The following MTUS2 variants were observed in gnomAD, a reference collection of about 807,000 sequenced individuals.
MTUS2 encodes the protein microtubule-associated tumor suppressor candidate 2.
In MTUS2, 40 loss-of-function variants were observed where a neutral mutation model predicts 114.1. The observed-to-expected ratio is 0.35, with a 90% CI of 0.27 to 0.46. MTUS2 has a LOEUF of 0.46. MTUS2 is among the 20% of genes least tolerant of loss of function. MTUS2 has a pLI of 1.00. For synonymous variants in MTUS2, 688 were observed against 672.0 expected, an observed-to-expected ratio of 1.02 and a Z score of -0.37; for missense variants, 1,679 against 1,705.4, an observed-to-expected ratio of 0.98 and a Z score of 0.27.
At chr13:28,977,053 C>T (rs892038424) in intron 2 of MTUS2, among the ~76,000 whole-genome samples, 1 of 152,038 alleles carries the variant, frequency 6.6e-6, no homozygotes, top group Non-Finnish European at 1.5e-5. Context: ...TATCAAATCT[C>T]TGCTTGTGAA....
At chr13:29,074,239 T>A (rs970659700) in intron 4 of MTUS2, among the ~76,000 whole-genome samples, 1 of 152,178 alleles carries the variant, frequency 6.6e-6, no homozygotes, top group Non-Finnish European at 1.5e-5. Flanking sequence ...ATGCCCTATT[T>A]CTTCTATAGT....
In MTUS2 at chr13:29,497,529, G is replaced by A. The variant is rs532047373; in HGVS notation, c.3678+193G>A. ...CTCTCCCCTGAGACAGACAGCAGCT[G>A]TGGGTTTCTCCAGCTACGTGTTATT... is the stretch of plus-strand genomic sequence containing the variant. On this transcript the variant is annotated intron_variant, in intron 13 of 15. Transcript: ENST00000612955. 1.1e-4 allele frequency: 68 copies of A among 597,360 alleles called. 1 individual carries two copies. The South Asian group carries it at 1.3e-3, about 11-fold the overall frequency. The allele number at this position is 597,360 out of a possible 1,614,324, so 37.0% of individuals were successfully genotyped here.
chr13:29,343,244 T>C (rs993804882), intron 7 of MTUS2, among the ~76,000 whole-genome samples: 4 of 152,086 alleles, frequency 2.6e-5, no homozygotes, highest in African/African-American at 9.7e-5. Flanking sequence ...CAGTTCTTCT[T>C]TGAACGTCTC....
intron 5 of MTUS2, among the ~76,000 whole-genome samples, chr13:29,176,373 TTA>T (rs1266633040): frequency 6.6e-6 from 1 of 152,098 alleles, no homozygotes; most frequent in Non-Finnish European, 1.5e-5. Flanking sequence ...TAGTGTTTGG[TTA>T]TCAGTCTTTA....
intron 2 of MTUS2, among the ~76,000 whole-genome samples, chr13:29,012,764 C>T (rs988659580): frequency 6.6e-6 from 1 of 152,178 alleles, no homozygotes; most frequent in South Asian, 2.1e-4. Context: ...GTCCCAGCTA[C>T]TCGGGAGGCT....
intron 4 of MTUS2, among the ~76,000 whole-genome samples, chr13:29,082,612 G>A (rs905067476): frequency 7.2e-5 from 11 of 152,100 alleles, no homozygotes; most frequent in Admixed American, 1.3e-4. Flanking sequence ...GAGGGCCCAC[G>A]TTTGGCCCTG....
intron 4 of MTUS2, among the ~76,000 whole-genome samples, chr13:29,057,450 A>G (rs1443034988): frequency 6.6e-6 from 1 of 152,130 alleles, no homozygotes; most frequent in African/African-American, 2.4e-5. Context: ...ATAGGTCTCT[A>G]AAAACTTGCT....
chr13:28,824,618 C>T (rs1033213852), intron 1 of MTUS2, among the ~76,000 whole-genome samples: 1 of 151,948 alleles, frequency 6.6e-6, no homozygotes, highest in Admixed American at 6.6e-5. Context: ...TCTCTCACTG[C>T]AGTTGTACTG....
At chr13:29,243,070 T>C (rs1005620526) in intron 5 of MTUS2, among the ~76,000 whole-genome samples, 3 of 152,184 alleles carry the variant, frequency 2.0e-5, no homozygotes, top group African/African-American at 7.2e-5. Context: ...TCTGAGATAC[T>C]ATGGGACGCT....
intron 7 of MTUS2, among the ~76,000 whole-genome samples, chr13:29,325,531 A>G (rs1900464673): frequency 7.8e-6 from 1 of 127,950 alleles, no homozygotes; most frequent in African/African-American, 3.0e-5. Flanking sequence ...GGAGGGAGGA[A>G]GGAGAAGAAA....
intron 2 of MTUS2, among the ~76,000 whole-genome samples, chr13:28,904,133 G>A (rs927680555): frequency 6.6e-6 from 1 of 151,790 alleles, no homozygotes; most frequent in Non-Finnish European, 1.5e-5. Context: ...TAAATTTATT[G>A]GAGTTCATTG....
At chr13:28,986,837 A>G (rs1451237452) in intron 2 of MTUS2, among the ~76,000 whole-genome samples, 1 of 152,186 alleles carries the variant, frequency 6.6e-6, no homozygotes, top group African/African-American at 2.4e-5. Context: ...TTAAATTAAG[A>G]ATTTAATTAT....
At chr13:28,868,599 C>A (rs9551552) in intron 2 of MTUS2, among the ~76,000 whole-genome samples, 36,578 of 152,088 alleles carry the variant, frequency 0.24, 6,848 homozygotes, top group African/African-American at 0.52. Context: ...GGAACCAGAT[C>A]TTCCTGGGAA....
At chr13:28,973,900 A>G (rs1190967229) in intron 2 of MTUS2, among the ~76,000 whole-genome samples, 2 of 152,212 alleles carry the variant, frequency 1.3e-5, no homozygotes, top group African/African-American at 2.4e-5. Context: ...GCTGTCGGGT[A>G]TGTGATGTGT....
chr13:29,162,994 C>G (rs1240746546), intron 5 of MTUS2, among the ~76,000 whole-genome samples: 1 of 37,604 alleles, frequency 2.7e-5, no homozygotes, highest in African/African-American at 9.4e-5. Context: ...AGATCTTGTT[C>G]AGTTCTAACA....
intron 5 of MTUS2, among the ~76,000 whole-genome samples, chr13:29,199,525 T>C (rs952591383): frequency 1.1e-4 from 16 of 152,234 alleles, no homozygotes; most frequent in Admixed American, 9.8e-4. Flanking sequence ...CAGCCTTGCA[T>C]CCCAGGGATA....
intron 7 of MTUS2, among the ~76,000 whole-genome samples, chr13:29,346,117 C>A (rs928622093): frequency 2.6e-5 from 4 of 152,130 alleles, no homozygotes; most frequent in African/African-American, 7.2e-5. Flanking sequence ...AGTGCACTGG[C>A]TTAGTGTTGG....
intron 2 of MTUS2, among the ~76,000 whole-genome samples, chr13:28,921,388 T>C (rs1476317920): frequency 2.6e-5 from 4 of 152,220 alleles, no homozygotes; most frequent in Non-Finnish European, 4.4e-5. Context: ...GTGGCTGAGC[T>C]GGTATCCAAG....
chr13:28,821,105 C>T (rs377735901), intron 1 of MTUS2, among the ~76,000 whole-genome samples: 1 of 151,864 alleles, frequency 6.6e-6, no homozygotes, highest in South Asian at 2.1e-4. Flanking sequence ...GAAAGAAGTA[C>T]TCTTGGCAGG....
Sources: allele counts gnomAD v4.1 joint callset (sites outside exome capture counted in the v4.1 genomes callset), GRCh38; gene constraint gnomAD v4.1.1; transcripts MANE v1.5; gene names NCBI Gene and HGNC (gene_info 2026-07-23, HGNC 2026-07-21).